The following PBRM1 variants were observed in gnomAD, a reference collection of about 807,000 sequenced individuals.
The protein encoded by PBRM1 is polybromo 1, also known as protein polybromo-1.
Under a neutral mutation model 194.5 loss-of-function variants are expected in PBRM1, and 27 were observed. That is an observed-to-expected ratio of 0.14 (90% CI 0.10 to 0.19). PBRM1 has a LOEUF of 0.19. Ranked by LOEUF, PBRM1 falls within the 10% of genes least tolerant of loss-of-function variation. PBRM1 has a pLI of 1.00. For missense variants in PBRM1, 1,466 were observed against 2,077.2 expected, an observed-to-expected ratio of 0.71 and a Z score of 5.72; for synonymous variants, 655 against 693.2, an observed-to-expected ratio of 0.94 and a Z score of 0.87.
chr3:52,567,736 A>T (rs1326315105), intron 22 of PBRM1, among the ~76,000 whole-genome samples: 1 of 150,898 alleles, frequency 6.6e-6, no homozygotes, highest in Non-Finnish European at 1.5e-5. Context: ...GGTTCAAGCA[A>T]TTATCCTGCC....
upstream of PBRM1, chr3:52,681,280 G>C (rs990969229): frequency 6.6e-6 from 1 of 151,888 alleles, no homozygotes; most frequent in African/African-American, 2.4e-5. Flanking sequence ...ATCCTGGTGA[G>C]CAATTAAGGA....
chr3:52,659,916 A>C (rs2096683476), intron 4 of PBRM1, among the ~76,000 whole-genome samples: 1 of 152,126 alleles, frequency 6.6e-6, no homozygotes, highest in African/African-American at 2.4e-5. Context: ...ACATGGTGAA[A>C]CCTCACTTAT....
chr3:52,548,992 T>A (rs1210184711), intron 29 of PBRM1, among the ~76,000 whole-genome samples: 1 of 152,072 alleles, frequency 6.6e-6, no homozygotes, highest in Non-Finnish European at 1.5e-5. Context: ...TTTCTAATAT[T>A]TTTTTCCTTT....
upstream of PBRM1, chr3:52,681,675 G>A (rs1166966452): frequency 1.0e-6 from 1 of 996,096 alleles, no homozygotes; most frequent in African/African-American, 1.7e-5. Context: ...GGGAAAGGGT[G>A]TAGATAATCA....
At chr3:52,586,884 A>C (rs1300737171) in intron 19 of PBRM1, among the ~76,000 whole-genome samples, 196 bp from the exon 22 acceptor site, 4 of 152,128 alleles carry the variant, frequency 2.6e-5, no homozygotes, top group African/African-American at 9.7e-5. Context: ...GAATGGACTT[A>C]TTATATACAC....
intron 3 of PBRM1, among the ~76,000 whole-genome samples, chr3:52,665,234 G>A (rs908993292): frequency 3.3e-5 from 5 of 152,000 alleles, no homozygotes; most frequent in African/African-American, 7.2e-5. Flanking sequence ...AGCACATTAC[G>A]GCCTTGAACT....
intron 2 of PBRM1, among the ~76,000 whole-genome samples, chr3:52,674,079 T>C (rs1390196311): frequency 6.6e-6 from 1 of 151,268 alleles, no homozygotes; most frequent in Non-Finnish European, 1.5e-5. Context: ...TAGATATATA[T>C]ATAGAATGCA....
chr3:52,669,524 T>C (rs924900964), intron 2 of PBRM1, among the ~76,000 whole-genome samples: 2 of 152,172 alleles, frequency 1.3e-5, no homozygotes, highest in African/African-American at 4.8e-5. Flanking sequence ...TGAAAAACGA[T>C]GTGACTATTT....
intron 13 of PBRM1, 53 bp downstream of exon 14, chr3:52,627,220 A>G: frequency 1.0e-6 from 1 of 991,312 alleles, no homozygotes; most frequent in Non-Finnish European, 1.6e-6. Context: ...TCACTTATCT[A>G]AAACAAAATT....
At chr3:52,605,868 G>A (rs965800632) in intron 16 of PBRM1, among the ~76,000 whole-genome samples, 1 of 152,118 alleles carries the variant, frequency 6.6e-6, no homozygotes, top group African/African-American at 2.4e-5. Flanking sequence ...CTCCCAAAGT[G>A]CTGGGATTAC....
intron 10 of PBRM1, among the ~76,000 whole-genome samples, chr3:52,641,242 T>C (rs1018301940): frequency 1.3e-5 from 2 of 151,038 alleles, no homozygotes; most frequent in African/African-American, 4.9e-5. Context: ...AGGACAGAAG[T>C]TCAAGACCAG....
intron 17 of PBRM1, among the ~76,000 whole-genome samples, chr3:52,594,181 C>G (rs1011972053): frequency 5.3e-5 from 8 of 152,104 alleles, no homozygotes; most frequent in African/African-American, 1.9e-4. Context: ...TATACCCAGG[C>G]CTTTTTCTTT....
At chr3:52,616,688 G>A (rs538395776) in intron 14 of PBRM1, among the ~76,000 whole-genome samples, 86 of 152,044 alleles carry the variant, frequency 5.7e-4, no homozygotes, top group Non-Finnish European at 9.9e-4. Context: ...GCGAGACTCC[G>A]TCTCAAAAAA....
chr3:52,622,715 C>T (rs1308848122), intron 13 of PBRM1, among the ~76,000 whole-genome samples: 2 of 152,218 alleles, frequency 1.3e-5, no homozygotes, highest in African/African-American at 4.8e-5. Flanking sequence ...TTCTAGAAGA[C>T]TTCCACAGCC....
chr3:52,565,835 G>C (rs1186345145), intron 22 of PBRM1, among the ~76,000 whole-genome samples: 2 of 152,108 alleles, frequency 1.3e-5, no homozygotes, highest in Non-Finnish European at 2.9e-5. Flanking sequence ...TGGATCATGA[G>C]GTCAGGAGAT....
intron 22 of PBRM1, among the ~76,000 whole-genome samples, chr3:52,564,534 A>T (rs2084518468): frequency 6.6e-6 from 1 of 151,768 alleles, no homozygotes; most frequent in African/African-American, 2.4e-5. Flanking sequence ...GGTCCCAGCT[A>T]CTCGGGAGGC....
Position 52,660,716 on chromosome 3 carries a change from T to C in PBRM1, c.528+1417A>G, listed in dbSNP as rs145860391. 4.0e-3 allele frequency among the ~76,000 whole-genome samples: 611 copies of C among 152,266 alleles called. 3 individuals carry two copies. The highest frequency in any genetic ancestry group is 0.023 in the South Asian group (109 of 4,828). On this transcript the variant is annotated intron_variant, in intron 4 of 29. Transcript: ENST00000296302. ...TTAGTAGAAATGGGGTTTCACCATG[T>C]TGGCCAGGCTGGTCTCAAACTCCTG...
intron 18 of PBRM1, 69 bp from the exon 21 acceptor site, chr3:52,587,579 T>TC (rs2092567312): frequency 1.7e-6 from 2 of 1,200,188 alleles, no homozygotes; most frequent in Non-Finnish European, 2.3e-6. Flanking sequence ...ACTTTTTTTT[T>TC]TTTTTTTTTT....
chr3:52,664,016 C>T (rs182462573), intron 3 of PBRM1, among the ~76,000 whole-genome samples: 3 of 149,332 alleles, frequency 2.0e-5, no homozygotes, highest in East Asian at 2.0e-4. Context: ...GCCGAGATAG[C>T]GCCACTGAAC....
Sources: allele counts gnomAD v4.1 joint callset (sites outside exome capture counted in the v4.1 genomes callset), GRCh38; gene constraint gnomAD v4.1.1; transcripts MANE v1.5; gene names NCBI Gene and HGNC (gene_info 2026-07-23, HGNC 2026-07-21).